Variants in ECT2L observed in about 807,000 individuals in gnomAD.
ECT2L encodes epithelial cell transforming 2 like.
ECT2L carries 126 observed loss-of-function variants against 122.8 expected under a neutral mutation model. The observed-to-expected ratio is 1.03, with a 90% CI of 0.89 to 1.19. The LOEUF is 1.19. ECT2L is among the 50% of genes most tolerant of loss of function. The pLI, the probability that ECT2L is intolerant of heterozygous loss-of-function variation, is 0.00. For synonymous variants in ECT2L, 385 were observed against 381.8 expected (o/e 1.01, Z -0.10); for missense variants, 1,012 against 1,064.1 (o/e 0.95, Z 0.68).
intron 4 of ECT2L, among the ~76,000 whole-genome samples, chr6:138,833,411 C>T (rs1776716823): frequency 6.6e-6 from 1 of 152,078 alleles, no homozygotes; most frequent in Non-Finnish European, 1.5e-5. Context: ...TAGGAAAAAC[C>T]CCTAGAAGAC....
At chr6:138,806,700 A>T (rs553596371) in intron 1 of ECT2L, among the ~76,000 whole-genome samples, 1 of 151,626 alleles carries the variant, frequency 6.6e-6, no homozygotes, top group Non-Finnish European at 1.5e-5. Context: ...TTTAGTAGAG[A>T]CGGGGTTTTG....
intron 13 of ECT2L, among the ~76,000 whole-genome samples, chr6:138,871,200 G>A (rs1778240564): frequency 6.6e-6 from 1 of 152,100 alleles, no homozygotes; most frequent in African/African-American, 2.4e-5. Context: ...TTCTATGTAG[G>A]GGAAAATACT....
At chr6:138,805,217 C>T (rs1158480227) in intron 1 of ECT2L, among the ~76,000 whole-genome samples, 1 of 152,196 alleles carries the variant, frequency 6.6e-6, no homozygotes, top group Non-Finnish European at 1.5e-5. Context: ...GATTTATCCA[C>T]TGGACTACTG....
At chr6:138,814,014 C>T (rs572092898) in intron 3 of ECT2L, among the ~76,000 whole-genome samples, 7 of 152,142 alleles carry the variant, frequency 4.6e-5, no homozygotes, top group African/African-American at 1.4e-4. Context: ...GGCTATTTAG[C>T]GATACTTACT....
chr6:138,876,403 G>A (rs1007952545), intron 13 of ECT2L, 69 bp from the exon 14 acceptor site: 1 of 1,077,272 alleles, frequency 9.3e-7, no homozygotes, highest in African/African-American at 1.6e-5. Context: ...GCCTCCTGCG[G>A]GCACAGTACT....
rs17067993 is a variant in ECT2L at position 138,885,800 on chromosome 6, A to G, written c.2229A>G (p.Gln743=). The G allele has an allele frequency of 0.035, 57,118 of 1,614,020 alleles. 3,099 individuals carry two copies. Among genetic ancestry groups the G allele is most frequent in the East Asian group, 0.22 (9,818 of 44,872 alleles). ...DRGDLTTAID[Q]IKKYKGYIDQ... is the part of the protein sequence containing the mutation. ...GGGACTTGACCACTGCAATTGACCA[A>G]ATCAAAAAATATAAAGGTTATATAG... The change falls in exon 18 of 22, where the codon CAA becomes CAG. Residue 743 remains glutamine (Q), a synonymous_variant. Coordinates refer to ENST00000541398, the MANE Select transcript of ECT2L (RefSeq NM_001077706.3).
At position 138,838,456 on chromosome 6, in the gene ECT2L, CGAAA is replaced by C. The variant is rs1776922495; in HGVS notation, c.287_290del (p.Lys96IlefsTer15). The C allele has an allele frequency of 3.1e-6, 5 of 1,613,556 alleles. No homozygotes were observed. The highest frequency in any genetic ancestry group is 3.3e-5 in the Admixed American group (2 of 59,944). On this transcript the variant is annotated frameshift_variant, in exon 5 of 22. Coordinates refer to ENST00000541398, the MANE Select transcript of ECT2L (RefSeq NM_001077706.3). LOFTEE classifies it high-confidence loss of function. ...CTATATATCTTTTCCTTTTTGAGTC[CGAAA>C]GATTTGTGTGCCGCTGCCCAAGTCA...
intron 4 of ECT2L, among the ~76,000 whole-genome samples, chr6:138,819,888 C>CAA (rs550933634): frequency 1.4e-5 from 2 of 141,794 alleles, no homozygotes; most frequent in African/African-American, 2.6e-5. Context: ...CTTCATGTAC[C>CAA]AAAAAAAAAA....
intron 13 of ECT2L, among the ~76,000 whole-genome samples, chr6:138,873,192 G>A (rs1323632718): frequency 1.3e-5 from 2 of 151,750 alleles, no homozygotes; most frequent in Non-Finnish European, 2.9e-5. Flanking sequence ...AATAAAACTG[G>A]AAAAATGCAA....
chr6:138,897,915 A>T (rs1779270715), intron 20 of ECT2L, among the ~76,000 whole-genome samples: 1 of 152,214 alleles, frequency 6.6e-6, no homozygotes, highest in South Asian at 2.1e-4. Context: ...AATTTACCAA[A>T]GCAAGTACCT....
intron 15 of ECT2L, among the ~76,000 whole-genome samples, chr6:138,881,828 G>C (rs186708655): frequency 3.3e-5 from 5 of 152,122 alleles, no homozygotes; most frequent in Non-Finnish European, 7.4e-5. Context: ...AAATATCAGT[G>C]AAGCTTCACT....
At chr6:138,859,388 G>A (rs1318841926) in intron 10 of ECT2L, among the ~76,000 whole-genome samples, 1 of 152,116 alleles carries the variant, frequency 6.6e-6, no homozygotes, top group Non-Finnish European at 1.5e-5. Flanking sequence ...ATTTCTCTTG[G>A]ATGAATACCT....
At position 138,853,949 on chromosome 6, in the gene ECT2L, A is replaced by G. The variant is rs568017538; in HGVS notation, c.1070-77A>G. 29 of 1,518,896 alleles carry G rather than the reference A, an allele frequency of 1.9e-5. No individual in the cohort carries two copies. The African/African-American group carries it at 3.2e-4, about 17-fold the overall frequency. 94.1% of individuals were successfully genotyped at this position (1,518,896 alleles called of 1,614,324 possible). A position where few individuals can be genotyped will look rare whatever the true frequency, so the allele number is the denominator to read the frequency against. The stretch of plus-strand genomic sequence containing the variant: ...GATGGCATTTTGATTTTGTGCTTAC[A>G]TTTTCACAAGCTGCTAATAATTTCT... On this transcript the variant is annotated intron_variant, in intron 9 of 21. Coordinates refer to ENST00000541398, the MANE Select transcript of ECT2L (RefSeq NM_001077706.3).
intron 17 of ECT2L, 38 bp downstream of exon 17, chr6:138,885,617 G>T: frequency 6.2e-7 from 1 of 1,614,086 alleles, no homozygotes; most frequent in Non-Finnish European, 8.5e-7. Flanking sequence ...GGTCCCCCCA[G>T]AGAGGGCATT....
intron 15 of ECT2L, among the ~76,000 whole-genome samples, chr6:138,882,377 A>G (rs555378058): frequency 2.6e-5 from 4 of 152,204 alleles, no homozygotes; most frequent in Non-Finnish European, 4.4e-5. Flanking sequence ...TGTTGAAGAC[A>G]GTGGAGCACT....
intron 4 of ECT2L, among the ~76,000 whole-genome samples, chr6:138,819,264 G>GT (rs1293784807): frequency 6.0e-5 from 9 of 150,706 alleles, no homozygotes; most frequent in African/African-American, 2.2e-4. Flanking sequence ...AAATCATTGC[G>GT]TTTTAAAAGG....
Position 138,846,590 on chromosome 6 carries a change from G to T in ECT2L, c.816G>T (p.Trp272Cys), listed in dbSNP as rs764139430. The T allele has an allele frequency of 6.2e-7, 1 of 1,610,524 alleles. No homozygotes were observed. Among genetic ancestry groups the T allele is most frequent in the African/African-American group, 1.3e-5 (1 of 74,618 alleles). ...ACCCTTTATTATCAAAGAAAAATTG[G>T]CATGGAGTTCATAAAAATGATGACA... ...HSYPLLSKKN[W>C]HGVHKNDDRS... The change falls in exon 8 of 22, where the codon TGG becomes TGT. Residue 272 changes from tryptophan to cysteine, a missense_variant. Physicochemically the swap from Trp to Cys is radical, Grantham distance 215. Transcript: ENST00000541398.
At position 138,885,535 on chromosome 6, in the gene ECT2L, T is replaced by A. The variant is rs763336608; in HGVS notation, c.2058T>A (p.Thr686=). The stretch of plus-strand genomic sequence containing the variant: ...GAGAAATGATACCAGCATTCCGAAC[T>A]TTCCTGAAGAGGCATGATAAGACCA... ...KCREMIPAFR[T]FLKRHDKTIV... is the part of the protein sequence containing the mutation. Residue 686 remains threonine (T), a synonymous_variant, in exon 17 of 22, where the codon ACT becomes ACA. Transcript: ENST00000541398. 38 of 1,614,084 alleles carry A rather than the reference T, an allele frequency of 2.4e-5. No homozygotes were observed. Among genetic ancestry groups the A allele is most frequent in the Non-Finnish European group, 1.3e-5 (15 of 1,180,034 alleles).
chr6:138,826,064 G>A (rs1039782262), intron 4 of ECT2L, among the ~76,000 whole-genome samples: 5 of 152,116 alleles, frequency 3.3e-5, no homozygotes, highest in African/African-American at 9.7e-5. Flanking sequence ...CGTCTTGATC[G>A]CTGTTCCACT....
Sources: allele counts gnomAD v4.1 joint callset (sites outside exome capture counted in the v4.1 genomes callset), GRCh38; gene constraint gnomAD v4.1.1; transcripts MANE v1.5; gene names NCBI Gene and HGNC (gene_info 2026-07-23, HGNC 2026-07-21).